The following KYNU variants were observed in gnomAD, a reference collection of about 807,000 sequenced individuals.
KYNU encodes the protein kynureninase, also known as L-kynurenine hydrolase.
In KYNU, 54 loss-of-function variants were observed where a neutral mutation model predicts 59.2. That is an observed-to-expected ratio of 0.91 (90% CI 0.73 to 1.14). The LOEUF (loss-of-function observed/expected upper bound fraction) is 1.14, where lower values mean the gene tolerates loss of function less well. KYNU is among the 50% of genes most tolerant of loss of function. The pLI is 0.00. For missense variants in KYNU, 567 were observed against 554.4 expected, an observed-to-expected ratio of 1.02 and a Z score of -0.23; for synonymous variants, 177 against 192.0, an observed-to-expected ratio of 0.92 and a Z score of 0.65.
chr2:142,998,976 T>A (rs1573885277), intron 10 of KYNU, among the ~76,000 whole-genome samples: 1 of 122,492 alleles, frequency 8.2e-6, no homozygotes, highest in African/African-American at 3.3e-5. Context: ...GTCACTGCAC[T>A]CCAGCCTGGC....
At chr2:142,942,555 G>A (rs351688) in intron 4 of KYNU, among the ~76,000 whole-genome samples, 4,132 of 152,272 alleles carry the variant, frequency 0.027, 183 homozygotes, top group Admixed American at 0.11. Context: ...GTTACTAGCA[G>A]CAAATCCATA....
intron 2 of KYNU, among the ~76,000 whole-genome samples, chr2:142,898,872 G>T (rs113432559): frequency 6.6e-6 from 1 of 152,138 alleles, no homozygotes; most frequent in African/African-American, 2.4e-5. Context: ...GGAACCCAGC[G>T]ACTAGTGTTC....
intron 8 of KYNU, among the ~76,000 whole-genome samples, chr2:142,979,742 G>A (rs539516922): frequency 9.9e-4 from 151 of 152,074 alleles, no homozygotes; most frequent in Non-Finnish European, 1.9e-3. Context: ...GAGCCCAGGA[G>A]TTCAAGACCA....
intron 10 of KYNU, among the ~76,000 whole-genome samples, chr2:143,016,253 C>T (rs1686242050): frequency 6.6e-6 from 1 of 152,166 alleles, no homozygotes; most frequent in African/African-American, 2.4e-5. Flanking sequence ...GATTTATGTA[C>T]TTCACCTCTG....
intron 8 of KYNU, among the ~76,000 whole-genome samples, chr2:142,976,868 C>T (rs12467638): frequency 6.6e-6 from 1 of 152,070 alleles, no homozygotes; most frequent in African/African-American, 2.4e-5. Context: ...AAAGACAACT[C>T]GAAGCTGAAA....
intron 8 of KYNU, among the ~76,000 whole-genome samples, chr2:142,979,778 T>C (rs1685000002): frequency 6.6e-6 from 1 of 152,070 alleles, no homozygotes; most frequent in Non-Finnish European, 1.5e-5. Context: ...TGAGAACTCA[T>C]CTACAAAAAC....
chr2:142,916,065 TAATCAA>T (rs1682659137), intron 2 of KYNU, among the ~76,000 whole-genome samples: 1 of 152,110 alleles, frequency 6.6e-6, no homozygotes, highest in Admixed American at 6.6e-5. Context: ...TGCTTGAAAG[TAATCAA>T]CCTTGTCAAC....
At chr2:143,016,642 G>A (rs1259799329) in intron 10 of KYNU, among the ~76,000 whole-genome samples, 1 of 152,140 alleles carries the variant, frequency 6.6e-6, no homozygotes, top group Admixed American at 6.5e-5. Context: ...GAAGGGTTCT[G>A]ACTTGTGTTC....
At chr2:142,888,845 C>G (rs532926139) in intron 2 of KYNU, among the ~76,000 whole-genome samples, 1 of 148,670 alleles carries the variant, frequency 6.7e-6, no homozygotes, top group African/African-American at 2.5e-5. Context: ...GCAAAGCTGT[C>G]GCATACTTGA....
intron 1 of KYNU, among the ~76,000 whole-genome samples, chr2:142,884,133 G>A (rs1402427223): frequency 6.6e-6 from 1 of 152,188 alleles, no homozygotes; most frequent in Non-Finnish European, 1.5e-5. Flanking sequence ...AGTGGGAAAT[G>A]TTGCATGATG....
intron 4 of KYNU, among the ~76,000 whole-genome samples, chr2:142,950,080 G>C (rs568685153): frequency 6.6e-6 from 1 of 152,172 alleles, no homozygotes; most frequent in Non-Finnish European, 1.5e-5. Context: ...CTTTGCTCCA[G>C]TTCCCAACAA....
chr2:142,965,022 A>G (rs1684483098), intron 8 of KYNU, among the ~76,000 whole-genome samples: 1 of 152,108 alleles, frequency 6.6e-6, no homozygotes, highest in South Asian at 2.1e-4. Flanking sequence ...TCCTACACCC[A>G]CTAATTGTAG....
rs950237510 is a variant in KYNU at position 143,055,172 on chromosome 2, C to G, written c.*13000C>G. 6.6e-6 allele frequency: 1 copy of G among 152,164 alleles called. No homozygotes were observed. Among genetic ancestry groups the G allele is most frequent in the African/African-American group, 2.4e-5 (1 of 41,444 alleles). 9.4% of individuals were successfully genotyped at this position (152,164 alleles called of 1,614,324 possible). A position where few individuals can be genotyped will look rare whatever the true frequency, so the allele number is the denominator to read the frequency against. ...AACAAATGACCAAAAAACATAGTGA[C>G]TGAAAATAACCCACATTTATTATCT... On this transcript the variant is annotated 3_prime_UTR_variant, in exon 14 of 14. Coordinates refer to ENST00000264170, the MANE Select transcript of KYNU (RefSeq NM_003937.3).
intron 4 of KYNU, among the ~76,000 whole-genome samples, chr2:142,941,091 C>G (rs1313479044): frequency 6.6e-6 from 1 of 152,176 alleles, no homozygotes; most frequent in Non-Finnish European, 1.5e-5. Context: ...GCCCTCCTCT[C>G]CCTCTGGGAG....
At chr2:143,036,747 G>A (rs1686904126) in intron 12 of KYNU, among the ~76,000 whole-genome samples, 1 of 152,164 alleles carries the variant, frequency 6.6e-6, no homozygotes, top group Non-Finnish European at 1.5e-5. Context: ...ATACTCCTAA[G>A]CAGTTGGGAT....
chr2:142,993,252 G>A (rs1264777265), intron 10 of KYNU, among the ~76,000 whole-genome samples: 7 of 151,996 alleles, frequency 4.6e-5, no homozygotes, highest in Non-Finnish European at 1.0e-4. Flanking sequence ...TATGCCAAGT[G>A]ATCTTTTCCT....
chr2:142,902,029 G>GATTTTTA (rs753406228), intron 2 of KYNU, among the ~76,000 whole-genome samples: 2 of 152,176 alleles, frequency 1.3e-5, no homozygotes, highest in Non-Finnish European at 2.9e-5. Context: ...TTAATTAATA[G>GATTTTTA]AGCCTGATAT....
At chr2:143,032,315 A>AC (rs10650584) in intron 11 of KYNU, among the ~76,000 whole-genome samples, 202 of 151,002 alleles carry the variant, frequency 1.3e-3, no homozygotes, top group African/African-American at 4.8e-3. Context: ...AACAAAAAAA[A>AC]CTGCTGTTTT....
intron 4 of KYNU, among the ~76,000 whole-genome samples, chr2:142,940,365 A>T (rs1355343974): frequency 1.3e-5 from 2 of 152,218 alleles, no homozygotes; most frequent in African/African-American, 4.8e-5. Flanking sequence ...GAATGTTTAT[A>T]TAGAAGCCAG....
Sources: gnomAD v4.1 joint callset for allele counts (sites outside exome capture counted in the v4.1 genomes callset) on GRCh38, gnomAD v4.1.1 for gene constraint, MANE v1.5 for transcripts, NCBI Gene and HGNC (gene_info 2026-07-23, HGNC 2026-07-21) for gene names.